HERC2: variants seen among roughly 807,000 people sequenced by gnomAD.
The protein encoded by HERC2 is E3 ubiquitin-protein ligase HERC2.
A neutral mutation model predicts 537.7 loss-of-function variants in HERC2; 102 were observed. The ratio of observed to expected loss-of-function variants is 0.19; its 90% CI spans 0.16 to 0.22. HERC2 has a LOEUF of 0.22. HERC2 is among the 10% of genes least tolerant of loss of function. The pLI is 1.00. For missense variants in HERC2, 4,236 were observed against 6,198.2 expected (o/e 0.68, Z 10.63); for synonymous variants, 2,224 against 2,466.2 (o/e 0.90, Z 2.91).
At chr15:28,285,339 G>C (rs557318378) in intron 4 of HERC2, among the ~76,000 whole-genome samples, 1 of 152,116 alleles carries the variant, frequency 6.6e-6, no homozygotes, top group African/African-American at 2.4e-5. Flanking sequence ...AAATCACACA[G>C]CATATGTTCC....
chr15:28,226,661 T>A (rs1901204837), intron 35 of HERC2, among the ~76,000 whole-genome samples: 1 of 152,316 alleles, frequency 6.6e-6, no homozygotes, highest in East Asian at 1.9e-4. Flanking sequence ...GAAGAAAACA[T>A]GAGGATAATC....
intron 79 of HERC2, among the ~76,000 whole-genome samples, chr15:28,134,837 A>C (rs1566929408): frequency 6.6e-6 from 1 of 150,762 alleles, no homozygotes; most frequent in African/African-American, 2.4e-5. Context: ...CATCTGGCTA[A>C]TTTTTTTCTA....
In HERC2 at chr15:28,195,055, CA is replaced by C. The variant is rs1432989896; in HGVS notation, c.8260+1159del. On this transcript the variant is annotated intron_variant, in intron 52 of 92. Transcript: ENST00000261609. ...TGGGCAACAGAGTGAGACTCCGTCT[CA>C]AAAAAAAAAAAAATTAAAATATGTT... Among the ~76,000 whole-genome samples, 859 of 98,094 alleles carry C rather than the reference CA, an allele frequency of 8.8e-3. 9 individuals carry two copies. Among genetic ancestry groups the C allele is most frequent in the African/African-American group, 0.025 (662 of 26,020 alleles). 64.4% of individuals were successfully genotyped at this position (98,094 alleles called of 152,430 possible).
Position 28,248,586 on chromosome 15 carries a change from T to C in HERC2, c.3201A>G (p.Pro1067=). ...CTGAGGTCTGACCAATACTTTCTCC[T>C]GGATAAAGTTTACTAATAAGCAAAC... The part of the protein sequence containing the change: ...FQRLLISKLY[P]GESIGQTSDI... The change falls in exon 21 of 93, where the codon CCA becomes CCG. Residue 1067 remains proline, a synonymous_variant. Transcript: ENST00000261609. The C allele has an allele frequency of 6.2e-7, 1 of 1,613,962 alleles. No individual in the cohort carries two copies. Among genetic ancestry groups the C allele is most frequent in the Non-Finnish European group, 8.5e-7 (1 of 1,179,826 alleles).
At chr15:28,148,915 C>T (rs921217784) in intron 70 of HERC2, among the ~76,000 whole-genome samples, 1 of 149,082 alleles carries the variant, frequency 6.7e-6, no homozygotes, top group Non-Finnish European at 1.5e-5. Context: ...TGAAAAAACA[C>T]ACAACTCCTA....
At chr15:28,219,069 G>C (rs1900240364) in intron 37 of HERC2, among the ~76,000 whole-genome samples, 1 of 152,218 alleles carries the variant, frequency 6.6e-6, no homozygotes, top group Non-Finnish European at 1.5e-5. Context: ...TCTTCCTCAA[G>C]AATCTTTTAA....
Position 28,255,955 on chromosome 15 carries a change from T to A in HERC2, c.2788A>T (p.Met930Leu), listed in dbSNP as rs201559931. ...AAGCTGCCCACCAGAAGATCAATCA[T>A]GAATCGACGACCTGGACTTATGTTC... ...EVNISPGRRF[M>L]IDLLVGSLMA... The change falls in exon 19 of 93, where the codon ATG becomes TTG. Residue 930 changes from methionine (M) to leucine (L), a missense_variant. This residue lies in a region of HERC2 where 754 missense variants were observed against 1,085.0 expected (regional missense o/e 0.69). Coordinates refer to ENST00000261609, the MANE Select transcript of HERC2 (RefSeq NM_004667.6). 1 of 1,599,132 alleles carries A rather than the reference T, an allele frequency of 6.3e-7. No homozygotes were observed. The highest frequency in any genetic ancestry group is 2.2e-5 in the East Asian group (1 of 44,890).
chr15:28,307,277 C>G (rs1287573585), intron 2 of HERC2, among the ~76,000 whole-genome samples: 1 of 152,220 alleles, frequency 6.6e-6, no homozygotes, highest in Non-Finnish European at 1.5e-5. Flanking sequence ...TTTCTCTTAG[C>G]CTGCCTGAAG....
chr15:28,303,058 A>G (rs1441664620), intron 2 of HERC2, among the ~76,000 whole-genome samples: 3 of 151,698 alleles, frequency 2.0e-5, no homozygotes, highest in Non-Finnish European at 2.9e-5. Context: ...TTTACGAAGT[A>G]TTACTCAAGA....
Position 28,176,389 on chromosome 15 carries a change from A to G in HERC2, c.9686+39T>C, listed in dbSNP as rs1405272591. Reference sequence around the variant, plus strand: ...GCCCAGGTTCCCTGCACACACCTGCACAAGCACACACAGTGTGACAGGGAG... The same window carrying G: ...GCCCAGGTTCCCTGCACACACCTGCGCAAGCACACACAGTGTGACAGGGAG... On this transcript the variant is annotated intron_variant, in intron 63 of 92. Transcript: ENST00000261609. This position sits in a 1 kb window ranked among gnomAD's most constrained non-coding sequence, Gnocchi z 5.0. 2 of 1,606,016 alleles carry G rather than the reference A, an allele frequency of 1.2e-6. No homozygotes were observed. Among genetic ancestry groups the G allele is most frequent in the African/African-American group, 2.7e-5 (2 of 74,776 alleles).
chr15:28,145,455 A>G (rs1891638418), intron 71 of HERC2, among the ~76,000 whole-genome samples: 1 of 152,204 alleles, frequency 6.6e-6, no homozygotes, highest in Non-Finnish European at 1.5e-5. Flanking sequence ...AAAAACTCAC[A>G]TCCAACAACA....
chr15:28,111,504 T>TAAAA lies in HERC2; in HGVS notation c.*258_*259insTTTT, dbSNP rs1217061474. The TAAAA allele has an allele frequency of 1.0e-5, 5 of 496,884 alleles. No homozygotes were observed. Among genetic ancestry groups the TAAAA allele is most frequent in the African/African-American group, 9.6e-5 (5 of 52,308 alleles). 30.8% of individuals were successfully genotyped at this position (496,884 alleles called of 1,614,324 possible). The stretch of plus-strand genomic sequence containing the variant: ...TTATATAAACATTTACACACTTTAG[T>TAAAA]AAACACAGTCCTACATGTAATGCAG... On this transcript the variant is annotated 3_prime_UTR_variant, in exon 93 of 93. Coordinates refer to ENST00000261609, the MANE Select transcript of HERC2 (RefSeq NM_004667.6).
intron 44 of HERC2, among the ~76,000 whole-genome samples, chr15:28,209,644 A>G (rs190853221): frequency 1.3e-5 from 2 of 152,150 alleles, no homozygotes; most frequent in African/African-American, 4.8e-5. Flanking sequence ...CGCCAGGCCT[A>G]TATATCATTT....
rs1901087109 is a variant in HERC2 at position 28,225,808 on chromosome 15, A to G, written c.5464+2410T>C. 2.0e-5 allele frequency among the ~76,000 whole-genome samples: 3 copies of G among 152,256 alleles called. No homozygotes were observed. The South Asian group carries it at 6.2e-4, about 32-fold the overall frequency. ...AAAATAAAAAAGATTATAAAAGAAC[A>G]CTGTGAACTACTGTATGCCAACAAA... On this transcript the variant is annotated intron_variant, in intron 35 of 92. Coordinates refer to ENST00000261609, the MANE Select transcript of HERC2 (RefSeq NM_004667.6).
rs2075110468 is a variant in HERC2, at chr15:28,252,331, T to C, written c.3050+2009A>G. ...AGCAGGAGACGGGGAAAACGGGCACTGCCCTCGTGAGAACAAAGGACCCAC... is the reference window on the plus strand; with the variant it reads ...AGCAGGAGACGGGGAAAACGGGCACCGCCCTCGTGAGAACAAAGGACCCAC... On this transcript the variant is annotated intron_variant, in intron 20 of 92. Transcript: ENST00000261609. 6.6e-5 allele frequency among the ~76,000 whole-genome samples: 10 copies of C among 151,866 alleles called. No individual in the cohort carries two copies. In the South Asian group the frequency reaches 1.9e-3, roughly 29 times the overall value.
intron 78 of HERC2, among the ~76,000 whole-genome samples, chr15:28,138,973 A>G (rs2142219131): frequency 6.6e-6 from 1 of 152,364 alleles, no homozygotes; most frequent in Middle Eastern, 3.4e-3. Context: ...GAGGGATTCA[A>G]CACGAGTGGA....
intron 52 of HERC2, among the ~76,000 whole-genome samples, chr15:28,195,502 T>C (rs1333597313): frequency 6.6e-6 from 1 of 152,204 alleles, no homozygotes; most frequent in African/African-American, 2.4e-5. Flanking sequence ...GGAATATTAT[T>C]TAGCCATTAA....
intron 2 of HERC2, among the ~76,000 whole-genome samples, chr15:28,317,186 G>C (rs2141318101): frequency 6.6e-6 from 1 of 152,202 alleles, no homozygotes; most frequent in Non-Finnish European, 1.5e-5. Context: ...CACCTCCTGG[G>C]TTCAAGCACT....
rs554701073 is a variant in HERC2, at chr15:28,113,462, T to C, written c.14019+111A>G. On this transcript the variant is annotated intron_variant, in intron 91 of 92. Transcript: ENST00000261609. This position sits in a 1 kb window ranked among gnomAD's most constrained non-coding sequence, Gnocchi z 7.0. The stretch of plus-strand genomic sequence containing the variant: ...GTGGAGGGACGCGCTCAGAGTGCAC[T>C]CCCTTCAGTCAACACACAGGGCAAG... 9.1e-7 allele frequency: 1 copy of C among 1,098,966 alleles called. No homozygotes were observed. Among genetic ancestry groups the C allele is most frequent in the African/African-American group, 1.5e-5 (1 of 64,706 alleles). The allele number at this position is 1,098,966 out of a possible 1,614,324, so 68.1% of individuals were successfully genotyped here. A position where few individuals can be genotyped will look rare whatever the true frequency, so the allele number is the denominator to read the frequency against.
Sources: gnomAD v4.1 joint callset for allele counts (sites outside exome capture counted in the v4.1 genomes callset) on GRCh38, gnomAD v4.1.1 for gene constraint, gnomAD v4.1.1 regional missense constraint, Gnocchi (gnomAD v3.1) non-coding constraint, MANE v1.5 for transcripts, NCBI Gene and HGNC (gene_info 2026-07-23, HGNC 2026-07-21) for gene names.